The following ARHGAP22 variants were observed in gnomAD, a reference collection of about 807,000 sequenced individuals.
The protein encoded by ARHGAP22 is rho GTPase-activating protein 22.
Under a neutral mutation model 59.1 loss-of-function variants are expected in ARHGAP22, and 48 were observed. The ratio of observed to expected loss-of-function variants is 0.81; its 90% CI spans 0.64 to 1.03. The LOEUF (loss-of-function observed/expected upper bound fraction) is 1.03. Among genes scored for constraint, ARHGAP22 ranks in the 50% least tolerant of loss-of-function variants. ARHGAP22 has a pLI of 0.00. For missense variants in ARHGAP22, 1,015 were observed against 958.7 expected (o/e 1.06, Z -0.78); for synonymous variants, 445 against 416.4 (o/e 1.07, Z -0.84).
intron 1 of ARHGAP22, among the ~76,000 whole-genome samples, chr10:48,619,717 A>C (rs1186927817): frequency 1.3e-5 from 2 of 152,224 alleles, no homozygotes; most frequent in Admixed American, 1.3e-4. Context: ...TTAAAGACTT[A>C]AATGTAAGAC....
chr10:48,515,802 C>G (rs2053230172), intron 3 of ARHGAP22, among the ~76,000 whole-genome samples: 1 of 152,110 alleles, frequency 6.6e-6, no homozygotes, highest in Admixed American at 6.5e-5. Flanking sequence ...TATGTGGAAA[C>G]TGAACAACTC....
intron 1 of ARHGAP22, among the ~76,000 whole-genome samples, chr10:48,645,009 T>TA (rs1314603293): frequency 1.3e-5 from 2 of 151,884 alleles, no homozygotes; most frequent in African/African-American, 4.8e-5. Context: ...AAAAGATTAA[T>TA]AAAATGGAAA....
At chr10:48,576,487 C>T (rs2058718873) in intron 2 of ARHGAP22, among the ~76,000 whole-genome samples, 1 of 152,216 alleles carries the variant, frequency 6.6e-6, no homozygotes, top group African/African-American at 2.4e-5. Flanking sequence ...TACAATAACA[C>T]AGAAAAAATG....
intron 2 of ARHGAP22, among the ~76,000 whole-genome samples, chr10:48,578,487 T>C (rs781579158): frequency 1.3e-5 from 2 of 151,902 alleles, no homozygotes; most frequent in Non-Finnish European, 2.9e-5. Context: ...ATTTGAGTTT[T>C]GGTTTTCTCA....
chr10:48,537,917 C>T (rs913232059), intron 3 of ARHGAP22, among the ~76,000 whole-genome samples: 12 of 152,228 alleles, frequency 7.9e-5, no homozygotes, highest in Non-Finnish European at 2.9e-5. Context: ...CTTCCGGCCC[C>T]TGAGAGTGTG....
At chr10:48,459,562 G>T (rs1203549621) in intron 5 of ARHGAP22, 122 bp downstream of exon 5, 6 of 1,140,804 alleles carry the variant, frequency 5.3e-6, no homozygotes, top group Non-Finnish European at 7.8e-6. Flanking sequence ...TGCCCACTAG[G>T]AGGGCTGGCC....
intron 3 of ARHGAP22, among the ~76,000 whole-genome samples, chr10:48,517,654 C>A (rs2053417626): frequency 6.6e-6 from 1 of 152,116 alleles, no homozygotes; most frequent in Non-Finnish European, 1.5e-5. Context: ...ACCCTGGAGG[C>A]CAGCAGCGTT....
In ARHGAP22 at chr10:48,450,900, G is replaced by T. The variant is rs1867586; in HGVS notation, c.1229C>A (p.Thr410Lys). 0.035 allele frequency: 55,344 copies of T among 1,591,514 alleles called. 1,060 individuals carry two copies. Among genetic ancestry groups the T allele is most frequent in the Middle Eastern group, 0.074 (440 of 5,952 alleles). Residue 410 changes from threonine to lysine, a missense_variant, in exon 9 of 10, where the codon ACG becomes AAG. Transcript: ENST00000249601. The stretch of plus-strand genomic sequence containing the variant: ...AGGGCTGCACCGGCTCCCCGGCCCC[G>T]TGGGGGCTGTTCTGGAGAGCACCGC... ...AVAVLSRTAP[T>K]GPGSRCSPGK...
At chr10:48,593,303 C>T (rs1365040867) in intron 1 of ARHGAP22, among the ~76,000 whole-genome samples, 1 of 152,204 alleles carries the variant, frequency 6.6e-6, no homozygotes, top group Non-Finnish European at 1.5e-5. Flanking sequence ...AAGTAAGTTG[C>T]AGAACAATTT....
chr10:48,526,883 G>C (rs576921663), intron 3 of ARHGAP22, among the ~76,000 whole-genome samples: 1 of 152,320 alleles, frequency 6.6e-6, no homozygotes, highest in African/African-American at 2.4e-5. Context: ...GAAGGCAGGG[G>C]CTTCTTGTTT....
At chr10:48,563,199 T>A (rs1158247498) in intron 2 of ARHGAP22, among the ~76,000 whole-genome samples, 13 of 141,412 alleles carry the variant, frequency 9.2e-5, no homozygotes, top group African/African-American at 3.4e-4. Flanking sequence ...TTTTTTTTTT[T>A]TTTTTTTTTT....
intron 9 of ARHGAP22, among the ~76,000 whole-genome samples, chr10:48,447,535 C>T (rs545731746): frequency 1.8e-4 from 28 of 152,308 alleles, no homozygotes; most frequent in African/African-American, 5.3e-4. Flanking sequence ...AACGAAGCCT[C>T]CATCCTCATC....
At chr10:48,492,542 T>C (rs972008715) in intron 3 of ARHGAP22, among the ~76,000 whole-genome samples, 1 of 152,242 alleles carries the variant, frequency 6.6e-6, no homozygotes, top group African/African-American at 2.4e-5. Flanking sequence ...TTAAAGTATA[T>C]ACAAAATAAA....
chr10:48,594,118 GC>G (rs1378295246), intron 1 of ARHGAP22, among the ~76,000 whole-genome samples: 1 of 152,172 alleles, frequency 6.6e-6, no homozygotes, highest in Admixed American at 6.5e-5. Context: ...TCTGAGACAA[GC>G]ATCACACTAG....
At chr10:48,654,195 G>GT (rs201911654), upstream of ARHGAP22, among the ~76,000 whole-genome samples, 26 of 151,616 alleles carry the variant, frequency 1.7e-4, no homozygotes, top group East Asian at 9.7e-4. Flanking sequence ...CCAAGTCTGG[G>GT]TTTTTTTTTC....
At chr10:48,618,199 A>C (rs955973648) in intron 1 of ARHGAP22, among the ~76,000 whole-genome samples, 29 of 152,092 alleles carry the variant, frequency 1.9e-4, no homozygotes, top group African/African-American at 6.3e-4. Context: ...ATGAAATTGA[A>C]TCTGTAATTA....
At chr10:48,608,204 C>T (rs572334927), upstream of ARHGAP22, among the ~76,000 whole-genome samples, 1 of 152,318 alleles carries the variant, frequency 6.6e-6, no homozygotes, top group Admixed American at 6.5e-5. Flanking sequence ...AGAGGCACAT[C>T]TGCGAATAAA....
upstream of ARHGAP22, among the ~76,000 whole-genome samples, chr10:48,655,241 A>ATGTG (rs71465467): frequency 4.9e-3 from 145 of 29,836 alleles, no homozygotes; most frequent in African/African-American, 9.3e-3. Flanking sequence ...TGGAGAGTGG[A>ATGTG]TGTGTGTGTG....
At chr10:48,655,259 G>GGT (rs2062770817), upstream of ARHGAP22, among the ~76,000 whole-genome samples, 1 of 134,470 alleles carries the variant, frequency 7.4e-6, no homozygotes, top group Non-Finnish European at 1.6e-5. Flanking sequence ...GTGTGTGTGG[G>GGT]GGGGGGGGGG....
Sources: gnomAD v4.1 joint callset for allele counts (sites outside exome capture counted in the v4.1 genomes callset) on GRCh38, gnomAD v4.1.1 for gene constraint, MANE v1.5 for transcripts, NCBI Gene and HGNC (gene_info 2026-07-23, HGNC 2026-07-21) for gene names.